The following BRI3 variants were observed in gnomAD, a reference collection of about 807,000 sequenced individuals.
BRI3 encodes the protein membrane protein BRI3.
Under a neutral mutation model 12.8 loss-of-function variants are expected in BRI3, and 6 were observed. The ratio of observed to expected loss-of-function variants is 0.47; its 90% CI spans 0.26 to 0.93. BRI3 has a LOEUF of 0.93. Ranked by LOEUF, BRI3 falls within the 40% of genes least tolerant of loss-of-function variation. The pLI is 0.15. For missense variants in BRI3, 134 were observed against 171.1 expected (o/e 0.78, Z 1.21); for synonymous variants, 91 against 76.1 (o/e 1.20, Z -1.02).
chr7:98,312,150 T>A (rs1467265893), downstream of BRI3: 1 of 1,613,242 alleles, frequency 6.2e-7, no homozygotes, highest in Non-Finnish European at 8.5e-7. Flanking sequence ...GACACGGGGG[T>A]AGAGGCTGGG....
At chr7:98,292,939 C>T (rs944008862), downstream of BRI3, 86 of 1,314,774 alleles carry the variant, frequency 6.5e-5, no homozygotes, top group Non-Finnish European at 7.2e-5. Context: ...TAGCACTCTA[C>T]AGCTCTGGCG....
At chr7:98,297,953 G>A (rs1447083289), downstream of BRI3, among the ~76,000 whole-genome samples, 1 of 152,218 alleles carries the variant, frequency 6.6e-6, no homozygotes, top group East Asian at 1.9e-4. Context: ...AATTCAGGCC[G>A]GGCACAGTGG....
chr7:98,282,266 G>A (rs1190211440), intron 1 of BRI3, 85 bp from the exon 2 acceptor site: 61 of 1,177,956 alleles, frequency 5.2e-5, no homozygotes, highest in Non-Finnish European at 7.5e-5. Flanking sequence ...TAGCGGGGTG[G>A]AGGTTGAGGG....
upstream of BRI3, chr7:98,304,247 C>T (rs2116839459): frequency 1.2e-6 from 2 of 1,613,430 alleles, no homozygotes; most frequent in South Asian, 1.1e-5. Context: ...TGGATGTCGT[C>T]CTGGCCGAAT....
At chr7:98,313,887 C>T (rs2116883178), downstream of BRI3, among the ~76,000 whole-genome samples, 1 of 151,724 alleles carries the variant, frequency 6.6e-6, no homozygotes, top group African/African-American at 2.4e-5. Flanking sequence ...GCCTTGGGCT[C>T]CCAAAGGGCT....
the BRI3 span, chr7:98,317,249 G>C: frequency 1.2e-6 from 2 of 1,614,226 alleles, no homozygotes; most frequent in Non-Finnish European, 8.5e-7. Context: ...ATTTGAGTGC[G>C]TTTCGGCTTC....
At chr7:98,315,646 TA>T in the BRI3 span, 1 of 1,070,980 alleles carries the variant, frequency 9.3e-7, no homozygotes, top group Non-Finnish European at 1.2e-6. Context: ...ATAATAATTA[TA>T]TAAGCATGAC....
intron 2 of BRI3, among the ~76,000 whole-genome samples, chr7:98,287,360 A>C (rs2116720335): frequency 6.6e-6 from 1 of 152,340 alleles, no homozygotes; most frequent in East Asian, 1.9e-4. Flanking sequence ...GGTGGCACAA[A>C]CGGCCCAGCC....
intron 2 of BRI3, among the ~76,000 whole-genome samples, chr7:98,284,495 G>GACGGTTCCCTGAACACACAACACAC (rs1799644881): frequency 6.6e-6 from 1 of 152,216 alleles, no homozygotes. Context: ...GGAGAGTGGA[G>GACGGTTCCCTGAACACACAACACAC]ACGGTTCCCT....
At chr7:98,319,918 C>G in the BRI3 span, 2 of 731,254 alleles carry the variant, frequency 2.7e-6, no homozygotes, top group East Asian at 5.0e-5. Context: ...GAGAGCTTGT[C>G]GGTTTCATGC....
chr7:98,321,591 A>G, the BRI3 span, among the ~76,000 whole-genome samples: 1 of 152,144 alleles, frequency 6.6e-6, no homozygotes, highest in Non-Finnish European at 1.5e-5. Context: ...GCTCTCTGCC[A>G]CCTTTCTACA....
At chr7:98,295,788 G>A (rs910170974), downstream of BRI3, among the ~76,000 whole-genome samples, 5 of 152,152 alleles carry the variant, frequency 3.3e-5, no homozygotes, top group African/African-American at 1.2e-4. Context: ...AGCTTGTTCA[G>A]AGCCTCCTGG....
the BRI3 span, chr7:98,315,596 G>GT: frequency 6.9e-7 from 1 of 1,439,496 alleles, no homozygotes; most frequent in African/African-American, 1.5e-5. Flanking sequence ...CTGACGAGAA[G>GT]TAACGGTCTC....
At chr7:98,312,143 A>G (rs1261582074), downstream of BRI3, 1 of 1,614,006 alleles carries the variant, frequency 6.2e-7, no homozygotes, top group Non-Finnish European at 8.5e-7. Flanking sequence ...AGTTCCAGAC[A>G]CGGGGGTAGA....
chr7:98,293,712 G>T, downstream of BRI3: 1 of 953,420 alleles, frequency 1.0e-6, no homozygotes, highest in Non-Finnish European at 1.7e-6. Context: ...CACCTCCCCA[G>T]CTTGTACAGG....
chr7:98,310,224 G>A, exon 2 of BRI3: 1 of 512,748 alleles, frequency 2.0e-6, no homozygotes, highest in Non-Finnish European at 3.4e-6. Flanking sequence ...GCGTAGAACT[G>A]GTAAATGTCA....
At chr7:98,312,119 G>C (rs906691083), downstream of BRI3, 1 of 1,609,978 alleles carries the variant, frequency 6.2e-7, no homozygotes, top group South Asian at 1.1e-5. Flanking sequence ...CTCGATCATG[G>C]GTGAAGCCTG....
At position 98,282,404 on chromosome 7, in the gene BRI3, C is replaced by T. The variant is rs776130817; in HGVS notation, c.196C>T (p.Arg66Cys). Residue 66 changes from arginine (R) to cysteine (C), a missense_variant, in exon 2 of 3, where the codon CGC (arginine) becomes TGC (cysteine). Arg to Cys is a radical substitution (Grantham distance 180). Coordinates refer to ENST00000297290, the MANE Select transcript of BRI3 (RefSeq NM_015379.5). ...CAACATCCACAGCCGGACCGTCACCCGCTATCCTGCCAACTCTATCGTGGT... is the reference window on the plus strand; with the variant it reads ...CAACATCCACAGCCGGACCGTCACCTGCTATCCTGCCAACTCTATCGTGGT... ...VYNIHSRTVT[R>C]YPANSIVVVG... 5.6e-6 allele frequency: 9 copies of T among 1,614,120 alleles called. 1 individual carries two copies. Among genetic ancestry groups the T allele is most frequent in the South Asian group, 3.3e-5 (3 of 91,086 alleles).
chr7:98,300,697 G>A (rs1237667095), intron 1 of BRI3, among the ~76,000 whole-genome samples: 1 of 152,090 alleles, frequency 6.6e-6, no homozygotes, highest in Non-Finnish European at 1.5e-5. Flanking sequence ...GCACCACCGT[G>A]AGGTGCGAAG....
Sources: gnomAD v4.1 joint callset for allele counts (sites outside exome capture counted in the v4.1 genomes callset) on GRCh38, gnomAD v4.1.1 for gene constraint, MANE v1.5 for transcripts, NCBI Gene and HGNC (gene_info 2026-07-23, HGNC 2026-07-21) for gene names.